Variants in CRTAC1 observed in about 807,000 individuals in gnomAD.
CRTAC1 encodes acidic secreted protein in cartilage.
Under a neutral mutation model 67.8 loss-of-function variants are expected in CRTAC1, and 37 were observed. The observed-to-expected ratio is 0.55, with a 90% CI of 0.42 to 0.72. The LOEUF is 0.72. Ranked by LOEUF, CRTAC1 falls within the 30% of genes least tolerant of loss-of-function variation. The pLI is 0.00. For synonymous variants in CRTAC1, 348 were observed against 371.0 expected (o/e 0.94, Z 0.71); for missense variants, 780 against 931.6 (o/e 0.84, Z 2.12).
intron 2 of CRTAC1, among the ~76,000 whole-genome samples, chr10:97,939,117 G>T (rs1183522929): frequency 1.3e-5 from 2 of 152,136 alleles, no homozygotes; most frequent in African/African-American, 2.4e-5. Flanking sequence ...CCTGCCCGTT[G>T]GGTCTCCTAG....
intron 3 of CRTAC1, among the ~76,000 whole-genome samples, chr10:97,928,443 C>T (rs920508704): frequency 1.3e-5 from 2 of 152,198 alleles, no homozygotes; most frequent in African/African-American, 4.8e-5. Flanking sequence ...GATACTGCCA[C>T]GTCTATAGCA....
intron 2 of CRTAC1, among the ~76,000 whole-genome samples, chr10:97,967,931 C>T (rs1350910230): frequency 6.6e-6 from 1 of 152,166 alleles, no homozygotes; most frequent in Non-Finnish European, 1.5e-5. Context: ...TTCCCGGGGG[C>T]ATTCTTTGTC....
chr10:97,948,260 G>T (rs528926896), intron 2 of CRTAC1, among the ~76,000 whole-genome samples: 1 of 152,326 alleles, frequency 6.6e-6, no homozygotes, highest in African/African-American at 2.4e-5. Context: ...AGTGTCAGAT[G>T]CTTTCAAGGG....
At chr10:97,993,310 G>A (rs1162658582) in intron 2 of CRTAC1, among the ~76,000 whole-genome samples, 6 of 152,234 alleles carry the variant, frequency 3.9e-5, no homozygotes, top group Non-Finnish European at 7.3e-5. Context: ...TCATAGAAAA[G>A]TTCCACAGAG....
At chr10:97,885,235 C>T (rs2050266210) in intron 11 of CRTAC1, among the ~76,000 whole-genome samples, 1 of 152,132 alleles carries the variant, frequency 6.6e-6, no homozygotes, top group Admixed American at 6.5e-5. Flanking sequence ...CATGGTGGCT[C>T]ATGCCTGGAA....
chr10:97,993,431 T>C (rs1842497132), intron 2 of CRTAC1, among the ~76,000 whole-genome samples: 1 of 152,226 alleles, frequency 6.6e-6, no homozygotes. Flanking sequence ...AATGAGTGTC[T>C]TCGCTGTAGC....
chr10:97,948,018 G>T (rs553416760), intron 2 of CRTAC1, among the ~76,000 whole-genome samples: 1 of 151,850 alleles, frequency 6.6e-6, no homozygotes, highest in African/African-American at 2.4e-5. Context: ...ATCATTGTCT[G>T]GTATGCATGA....
intron 2 of CRTAC1, among the ~76,000 whole-genome samples, chr10:97,967,565 A>T (rs2051639225): frequency 6.6e-6 from 1 of 152,172 alleles, no homozygotes; most frequent in Non-Finnish European, 1.5e-5. Context: ...ATACTAACCC[A>T]TGTATAGACA....
At chr10:97,989,112 A>C (rs967955548) in intron 2 of CRTAC1, among the ~76,000 whole-genome samples, 1 of 152,190 alleles carries the variant, frequency 6.6e-6, no homozygotes, top group Non-Finnish European at 1.5e-5. Flanking sequence ...TGGGATTTAC[A>C]TCATTGGCTC....
At chr10:98,020,578 C>T (rs1008374290) in intron 1 of CRTAC1, among the ~76,000 whole-genome samples, 5 of 152,218 alleles carry the variant, frequency 3.3e-5, no homozygotes, top group Non-Finnish European at 7.3e-5. Flanking sequence ...TTTGTCTTAA[C>T]CATGAGATGG....
intron 2 of CRTAC1, among the ~76,000 whole-genome samples, chr10:97,993,062 C>G (rs570334606): frequency 1.3e-5 from 2 of 152,134 alleles, no homozygotes; most frequent in Admixed American, 6.5e-5. Context: ...TTTGCCAATT[C>G]AAACAAAAAC....
intron 2 of CRTAC1, among the ~76,000 whole-genome samples, chr10:98,007,381 C>A (rs1842812248): frequency 6.6e-6 from 1 of 152,164 alleles, no homozygotes; most frequent in South Asian, 2.1e-4. Context: ...GACAAATCAT[C>A]CAAAGCTGAA....
At chr10:98,018,215 AAAAAAAAAAAAAAAAAAG>A (rs1843040242) in intron 1 of CRTAC1, among the ~76,000 whole-genome samples, 2 of 134,170 alleles carry the variant, frequency 1.5e-5, no homozygotes, top group Non-Finnish European at 1.7e-5. Flanking sequence ...AAAAAAAAAA[AAAAAAAAAAAAAAAAAAG>A]AGAGAGAGAG....
chr10:97,988,258 T>A (rs553391355), intron 2 of CRTAC1, among the ~76,000 whole-genome samples: 2 of 126,548 alleles, frequency 1.6e-5, no homozygotes, highest in South Asian at 5.5e-4. Flanking sequence ...CTCTCTTTTT[T>A]GGGGTGGGGA....
At position 98,030,482 on chromosome 10, in the gene CRTAC1, C is replaced by G. The variant is rs376072413; in HGVS notation, c.-10G>C. The stretch of plus-strand genomic sequence containing the variant: ...CAGCGCTCGGAGCCATCCTCCCGCT[C>G]TCGGCCCCGCCGCCTAGGGGCGTGG... On this transcript the variant is annotated 5_prime_UTR_variant, in exon 1 of 15. Coordinates refer to ENST00000370597, the MANE Select transcript of CRTAC1 (RefSeq NM_018058.7). This position sits in a 1 kb window ranked among gnomAD's most constrained non-coding sequence, Gnocchi z 4.2. 9.0e-5 allele frequency: 112 copies of G among 1,246,886 alleles called. No individual in the cohort carries two copies. The highest frequency in any genetic ancestry group is 1.1e-4 in the Non-Finnish European group (112 of 987,890). The allele number at this position is 1,246,886 out of a possible 1,614,324, so 77.2% of individuals were successfully genotyped here. A position where few individuals can be genotyped will look rare whatever the true frequency, so the allele number is the denominator to read the frequency against.
chr10:97,873,824 C>T (rs1196012594), intron 14 of CRTAC1, among the ~76,000 whole-genome samples: 1 of 152,170 alleles, frequency 6.6e-6, no homozygotes, highest in Admixed American at 6.5e-5. Context: ...CTCCATCTGC[C>T]GCACCCTTCT....
rs566212664 is a variant in CRTAC1 at position 97,944,905 on chromosome 10, T to A, written c.225-8539A>T. 4.1e-3 allele frequency among the ~76,000 whole-genome samples: 627 copies of A among 152,308 alleles called. 3 individuals carry two copies. Among genetic ancestry groups the A allele is most frequent in the African/African-American group, 0.014 (567 of 41,566 alleles). On this transcript the variant is annotated intron_variant, in intron 2 of 14. Coordinates refer to ENST00000370597, the MANE Select transcript of CRTAC1 (RefSeq NM_018058.7). ...ATGTGAGCAAGAACTTCTCAAATCT[T>A]CCAGCCTAGCTCACTGACAGCTGAA...
intron 2 of CRTAC1, among the ~76,000 whole-genome samples, chr10:97,979,973 G>T (rs902277986): frequency 6.6e-6 from 1 of 152,192 alleles, no homozygotes; most frequent in African/African-American, 2.4e-5. Context: ...GGGCCTGGGG[G>T]CTGTCTCTTC....
At chr10:97,868,501 T>G (rs985151221) in intron 14 of CRTAC1, 1 of 152,218 alleles carries the variant, frequency 6.6e-6, no homozygotes, top group Non-Finnish European at 1.5e-5. Context: ...GGACAACGGC[T>G]CCAGCCTCTT....
Sources: allele counts gnomAD v4.1 joint callset (sites outside exome capture counted in the v4.1 genomes callset), GRCh38; gene constraint gnomAD v4.1.1; non-coding constraint Gnocchi (gnomAD v3.1); transcripts MANE v1.5; gene names NCBI Gene and HGNC (gene_info 2026-07-23, HGNC 2026-07-21).